Variants in IPCEF1 observed in about 807,000 individuals in gnomAD.
IPCEF1 encodes interaction protein for cytohesin exchange factors 1.
IPCEF1 carries 31 observed loss-of-function variants against 50.9 expected under a neutral mutation model. The ratio of observed to expected loss-of-function variants is 0.61; its 90% CI spans 0.46 to 0.82. IPCEF1 has a LOEUF of 0.82. IPCEF1 is among the 40% of genes least tolerant of loss of function. The pLI is 0.00. For missense variants in IPCEF1, 458 were observed against 514.0 expected (o/e 0.89, Z 1.05); for synonymous variants, 181 against 192.0 (o/e 0.94, Z 0.47).
chr6:154,267,612 G>C (rs1240049975), intron 2 of IPCEF1, among the ~76,000 whole-genome samples: 1 of 152,174 alleles, frequency 6.6e-6, no homozygotes, highest in African/African-American at 2.4e-5. Flanking sequence ...ATGAAGAGGA[G>C]CTTTATTGAG....
intron 1 of IPCEF1, among the ~76,000 whole-genome samples, chr6:154,324,786 T>C (rs912418435): frequency 1.3e-5 from 2 of 152,126 alleles, no homozygotes; most frequent in African/African-American, 4.8e-5. Context: ...CCAGCCTGGG[T>C]GACAGAGAGA....
In IPCEF1 at chr6:154,158,933, T is replaced by C. The variant is rs1798821032; in HGVS notation, c.*895A>G. 6.6e-6 allele frequency: 1 copy of C among 152,190 alleles called. No homozygotes were observed. Among genetic ancestry groups the C allele is most frequent in the Non-Finnish European group, 1.5e-5 (1 of 68,028 alleles). The allele number at this position is 152,190 out of a possible 1,614,324, so 9.4% of individuals were successfully genotyped here. A position where few individuals can be genotyped will look rare whatever the true frequency, so the allele number is the denominator to read the frequency against. On this transcript the variant is annotated 3_prime_UTR_variant, in exon 12 of 12. Coordinates refer to ENST00000367220, the MANE Select transcript of IPCEF1 (RefSeq NM_001130700.2). ...GTTTTTTTGTTTTTTTGAGTAAAGATATTAAAACAATTCAGATGCCAAAGT... is the reference window on the plus strand; with the variant it reads ...GTTTTTTTGTTTTTTTGAGTAAAGACATTAAAACAATTCAGATGCCAAAGT...
chr6:154,296,987 G>A (rs1027619242), intron 1 of IPCEF1, among the ~76,000 whole-genome samples: 1 of 151,992 alleles, frequency 6.6e-6, no homozygotes, highest in African/African-American at 2.4e-5. Context: ...ATAAGATGAC[G>A]CTGCTCTCTC....
At chr6:154,325,430 A>C (rs1783495461) in intron 1 of IPCEF1, among the ~76,000 whole-genome samples, 1 of 152,238 alleles carries the variant, frequency 6.6e-6, no homozygotes, top group Non-Finnish European at 1.5e-5. Context: ...GGGAGCCCAA[A>C]GTCTTAAGTA....
At chr6:154,345,147 G>C (rs1266826084) in intron 1 of IPCEF1, among the ~76,000 whole-genome samples, 3 of 152,236 alleles carry the variant, frequency 2.0e-5, no homozygotes, top group East Asian at 3.8e-4. Context: ...TGGGATTACA[G>C]GCATGAGCCA....
At chr6:154,310,969 T>C (rs545926390) in intron 1 of IPCEF1, among the ~76,000 whole-genome samples, 2 of 152,228 alleles carry the variant, frequency 1.3e-5, no homozygotes, top group East Asian at 3.9e-4. Context: ...TTAATAATAA[T>C]GTATTGTATA....
At chr6:154,258,096 C>T (rs1583913922) in intron 3 of IPCEF1, among the ~76,000 whole-genome samples, 1 of 152,174 alleles carries the variant, frequency 6.6e-6, no homozygotes, top group East Asian at 1.9e-4. Context: ...CTGGTTAATG[C>T]TTACTCATCC....
chr6:154,193,924 G>A (rs919522840), intron 10 of IPCEF1, among the ~76,000 whole-genome samples: 1 of 151,788 alleles, frequency 6.6e-6, no homozygotes, highest in East Asian at 1.9e-4. Context: ...TAGTAGCATA[G>A]TATTAAAAGG....
Position 154,237,736 on chromosome 6 carries a change from C to T in IPCEF1, c.246+8855G>A, listed in dbSNP as rs139388418. Among the ~76,000 whole-genome samples the T allele has an allele frequency of 2.7e-3, 407 of 152,126 alleles. 2 individuals are homozygous for T. The highest frequency in any genetic ancestry group is 9.5e-3 in the African/African-American group (396 of 41,496). On this transcript the variant is annotated intron_variant, in intron 5 of 11. Coordinates refer to ENST00000367220, the MANE Select transcript of IPCEF1 (RefSeq NM_001130700.2). The stretch of plus-strand genomic sequence containing the variant: ...CCATTTGTCCCTTATACCATGCTGC[C>T]GAAATCCACCTTACTGCTGGCTTGC...
intron 1 of IPCEF1, among the ~76,000 whole-genome samples, chr6:154,331,407 G>GAA (rs1554225595): frequency 0.096 from 12,559 of 130,442 alleles, 690 homozygotes; most frequent in East Asian, 0.24. Flanking sequence ...AAGAAAGAAA[G>GAA]AGAGAGAAAA....
At chr6:154,259,762 AC>A (rs1008906011) in intron 3 of IPCEF1, among the ~76,000 whole-genome samples, 2 of 152,100 alleles carry the variant, frequency 1.3e-5, no homozygotes, top group African/African-American at 4.8e-5. Flanking sequence ...AGCCCCTCCC[AC>A]CCCTACCAAT....
At chr6:154,237,465 C>A (rs1331300379) in intron 5 of IPCEF1, among the ~76,000 whole-genome samples, 1 of 152,206 alleles carries the variant, frequency 6.6e-6, no homozygotes, top group East Asian at 1.9e-4. Context: ...AAATTCCTAG[C>A]ACAATTCTCC....
chr6:154,284,418 C>T (rs1368619123), intron 2 of IPCEF1, among the ~76,000 whole-genome samples: 1 of 152,172 alleles, frequency 6.6e-6, no homozygotes, highest in African/African-American at 2.4e-5. Flanking sequence ...CTCCTCTTCT[C>T]CCTCGGCCCC....
In IPCEF1 at chr6:154,176,349, A is replaced by T. The variant is rs529909037; in HGVS notation, c.911-8236T>A. 5.3e-5 allele frequency among the ~76,000 whole-genome samples: 8 copies of T among 152,334 alleles called. 1 individual carries two copies. In the South Asian group the frequency reaches 1.7e-3, roughly 32 times the overall value. On this transcript the variant is annotated intron_variant, in intron 10 of 11. Coordinates refer to ENST00000367220, the MANE Select transcript of IPCEF1 (RefSeq NM_001130700.2). ...GCAATCAGACAAGAGAAAGAAATAA[A>T]GTGTATTCAATTAGGAAAAGAGGAG...
intron 1 of IPCEF1, among the ~76,000 whole-genome samples, chr6:154,323,827 C>T (rs1354559068): frequency 6.6e-6 from 1 of 152,302 alleles, no homozygotes; most frequent in East Asian, 1.9e-4. Flanking sequence ...GTGGCAGACG[C>T]CTGTAATCCC....
intron 9 of IPCEF1, among the ~76,000 whole-genome samples, chr6:154,209,936 A>G: frequency 6.6e-6 from 1 of 152,256 alleles, no homozygotes; most frequent in East Asian, 1.9e-4. Context: ...TCTAAAAAAT[A>G]ACATTTGATT....
At chr6:154,308,992 T>C (rs1052437664) in intron 1 of IPCEF1, among the ~76,000 whole-genome samples, 5 of 152,222 alleles carry the variant, frequency 3.3e-5, no homozygotes, top group African/African-American at 4.8e-5. Context: ...TTGGTTTTTT[T>C]GTTTTTTTAA....
At chr6:154,214,026 T>C (rs888797583) in intron 8 of IPCEF1, among the ~76,000 whole-genome samples, 192 bp downstream of exon 8, 1 of 152,184 alleles carries the variant, frequency 6.6e-6, no homozygotes, top group African/African-American at 2.4e-5. Flanking sequence ...ATAGCCAGCA[T>C]GGGAAGCTCT....
In IPCEF1 at chr6:154,281,065, C is replaced by T. The variant is rs113730946; in HGVS notation, c.-18+8648G>A. 7.9e-3 allele frequency among the ~76,000 whole-genome samples: 1,202 copies of T among 151,500 alleles called. 24 individuals carry two copies. The highest frequency in any genetic ancestry group is 0.028 in the African/African-American group (1,150 of 41,320). On this transcript the variant is annotated intron_variant, in intron 2 of 11. Transcript: ENST00000367220. ...AAAAAATTTAAAAATTAAGGCCAGT[C>T]GCAGTGGCTCATGCCTGCAATCCCA...
Sources: gnomAD v4.1 joint callset for allele counts (sites outside exome capture counted in the v4.1 genomes callset) on GRCh38, gnomAD v4.1.1 for gene constraint, MANE v1.5 for transcripts, NCBI Gene and HGNC (gene_info 2026-07-23, HGNC 2026-07-21) for gene names.